MEF2C: variants seen among roughly 807,000 people sequenced by gnomAD.
MEF2C encodes the protein myocyte enhancer factor 2C, also known as myocyte-specific enhancer factor 2C.
In MEF2C, 6 loss-of-function variants were observed where a neutral mutation model predicts 50.5. The ratio of observed to expected loss-of-function variants is 0.12; its 90% confidence interval spans 0.07 to 0.23. The LOEUF (loss-of-function observed/expected upper bound fraction) is 0.23, where lower values mean the gene tolerates loss of function less well. MEF2C is among the 10% of genes least tolerant of loss of function. MEF2C has a pLI of 1.00. For synonymous variants in MEF2C, 183 were observed against 228.0 expected (o/e 0.80, Z 1.78); for missense variants, 276 against 605.0 (o/e 0.46, Z 5.70).
Position 88,718,237 on chromosome 5 carries a change from TG to T in MEF2C, c.*4366del, listed in dbSNP as rs1451362262. The T allele has an allele frequency of 3.3e-5, 5 of 152,254 alleles. No homozygotes were observed. Among genetic ancestry groups the T allele is most frequent in the Non-Finnish European group, 7.3e-5 (5 of 68,046 alleles). 9.4% of individuals were successfully genotyped at this position (152,254 alleles called of 1,614,324 possible). A position where few individuals can be genotyped will look rare whatever the true frequency, so the allele number is the denominator to read the frequency against. Reference sequence around the variant, plus strand: ...ATTTAAAAAAATGCACCACGGACACTGCATCACTAAGAAAGCCAGTAACTTT... The same window carrying T: ...ATTTAAAAAAATGCACCACGGACACTCATCACTAAGAAAGCCAGTAACTTT... On this transcript the variant is annotated 3_prime_UTR_variant, in exon 11 of 11. Coordinates refer to ENST00000504921, the MANE Select transcript of MEF2C (RefSeq NM_002397.5).
chr5:88,756,180 A>C (rs1310251754), intron 4 of MEF2C, among the ~76,000 whole-genome samples: 1 of 152,196 alleles, frequency 6.6e-6, no homozygotes, highest in Admixed American at 6.5e-5. Flanking sequence ...ATTTTATTTT[A>C]GATACATGTG....
chr5:88,885,252 G>A (rs1833953166), upstream of MEF2C, among the ~76,000 whole-genome samples: 1 of 152,158 alleles, frequency 6.6e-6, no homozygotes, highest in South Asian at 2.1e-4. Flanking sequence ...TTTGATGTGA[G>A]TAGCTTCTCT....
intron 3 of MEF2C, among the ~76,000 whole-genome samples, chr5:88,802,143 T>C (rs1378024933): frequency 1.3e-5 from 2 of 152,244 alleles, no homozygotes; most frequent in Non-Finnish European, 2.9e-5. Context: ...TTTAATCTAT[T>C]GATGTTAACA....
chr5:88,796,628 T>G (rs1408930880), intron 3 of MEF2C, among the ~76,000 whole-genome samples: 1 of 152,192 alleles, frequency 6.6e-6, no homozygotes, highest in Non-Finnish European at 1.5e-5. Context: ...TGTCTCTATC[T>G]CCTTCAGTTC....
intron 1 of MEF2C, among the ~76,000 whole-genome samples, chr5:88,857,011 G>C (rs1333527321): frequency 6.6e-6 from 1 of 152,214 alleles, no homozygotes; most frequent in Non-Finnish European, 1.5e-5. Flanking sequence ...ACCTGGAAAA[G>C]CCACAGACAC....
rs80263646 is a variant in MEF2C at position 88,858,920 on chromosome 5, T to C, written c.-143+24035A>G. Among the ~76,000 whole-genome samples the C allele has an allele frequency of 6.8e-3, 1,030 of 152,352 alleles. 14 individuals carry two copies. The highest frequency in any genetic ancestry group is 0.023 in the African/African-American group (951 of 41,578). ...GGAAGGTAGTAGTGAGACGTGTATT[T>C]TGAAGGAGCACTGCAAACCATTCTG... On this transcript the variant is annotated intron_variant, in intron 1 of 10. Coordinates refer to ENST00000504921, the MANE Select transcript of MEF2C (RefSeq NM_002397.5).
chr5:88,784,320 CAAAG>C (rs1437258581), intron 3 of MEF2C, among the ~76,000 whole-genome samples: 1 of 152,072 alleles, frequency 6.6e-6, no homozygotes, highest in Admixed American at 6.6e-5. Context: ...AATTTTATAG[CAAAG>C]AAATTAATAA....
At chr5:88,762,028 G>A (rs1015986363) in intron 3 of MEF2C, 5 of 152,224 alleles carry the variant, frequency 3.3e-5, no homozygotes, top group Non-Finnish European at 7.3e-5. Flanking sequence ...GCTGAGCTGA[G>A]TAAGGAAGAC....
At chr5:88,742,012 T>G (rs1767059171) in intron 6 of MEF2C, 1 of 985,384 alleles carries the variant, frequency 1.0e-6, no homozygotes, top group Non-Finnish European at 1.2e-6. Flanking sequence ...TGGATTGAAA[T>G]TCAACTGAAA....
chr5:88,899,415 A>T (rs933715718), intron 1 of MEF2C, among the ~76,000 whole-genome samples: 5 of 152,186 alleles, frequency 3.3e-5, no homozygotes, highest in Non-Finnish European at 7.4e-5. Flanking sequence ...AATATCTTTC[A>T]TTGGATAACT....
intron 3 of MEF2C, among the ~76,000 whole-genome samples, chr5:88,797,342 G>A (rs1796409242): frequency 6.6e-6 from 1 of 151,466 alleles, no homozygotes; most frequent in East Asian, 1.9e-4. Context: ...AAGATAGTTA[G>A]CTCTTCTTGT....
At chr5:88,777,185 TA>T (rs1244609251) in intron 3 of MEF2C, among the ~76,000 whole-genome samples, 1 of 152,160 alleles carries the variant, frequency 6.6e-6, no homozygotes, top group Non-Finnish European at 1.5e-5. Flanking sequence ...TAGGTAATTA[TA>T]AAAACAACAT....
chr5:88,722,430 T>A lies in MEF2C; in HGVS notation c.*174A>T. The stretch of plus-strand genomic sequence containing the variant: ...AAGCTTATCTCAGCATTTCTGTTTA[T>A]CTTTATACTGTATCACTGAGGCAAT... On this transcript the variant is annotated 3_prime_UTR_variant, in exon 11 of 11. Transcript: ENST00000504921. 1.7e-6 allele frequency: 1 copy of A among 597,986 alleles called. No individual in the cohort carries two copies. The highest frequency in any genetic ancestry group is 2.2e-5 in the South Asian group (1 of 46,046). 37.0% of individuals were successfully genotyped at this position (597,986 alleles called of 1,614,324 possible). A position where few individuals can be genotyped will look rare whatever the true frequency, so the allele number is the denominator to read the frequency against.
intron 1 of MEF2C, among the ~76,000 whole-genome samples, chr5:88,851,856 A>G (rs1702714549): frequency 6.6e-6 from 1 of 152,194 alleles, no homozygotes; most frequent in Admixed American, 6.5e-5. Flanking sequence ...AGATTAAAGT[A>G]TTCTAATTGT....
At chr5:88,787,180 T>G (rs1791347275) in intron 3 of MEF2C, among the ~76,000 whole-genome samples, 1 of 151,772 alleles carries the variant, frequency 6.6e-6, no homozygotes, top group Non-Finnish European at 1.5e-5. Flanking sequence ...ATCTTCTTAA[T>G]TTATGTAAAA....
chr5:88,790,444 A>G (rs917256805), intron 3 of MEF2C, among the ~76,000 whole-genome samples: 7 of 152,082 alleles, frequency 4.6e-5, no homozygotes, highest in African/African-American at 1.7e-4. Flanking sequence ...TTAGCAAGAT[A>G]CTCTGGTGAT....
chr5:88,775,310 T>A (rs1408332997), intron 3 of MEF2C, among the ~76,000 whole-genome samples: 1 of 152,170 alleles, frequency 6.6e-6, no homozygotes, highest in African/African-American at 2.4e-5. Flanking sequence ...GGTATTAATG[T>A]GAAGGATCCT....
At chr5:88,733,982 G>A in intron 6 of MEF2C, 9 of 984,694 alleles carry the variant, frequency 9.1e-6, no homozygotes, top group Non-Finnish European at 1.1e-5. Flanking sequence ...GTATTCCATG[G>A]CAAAAGCTGT....
chr5:88,826,303 G>A (rs1810825529), intron 1 of MEF2C, among the ~76,000 whole-genome samples: 1 of 152,008 alleles, frequency 6.6e-6, no homozygotes, highest in South Asian at 2.1e-4. Flanking sequence ...AAGCAATGTA[G>A]AGAGAAGCAA....
Sources: allele counts gnomAD v4.1 joint callset (sites outside exome capture counted in the v4.1 genomes callset), GRCh38; gene constraint gnomAD v4.1.1; transcripts MANE v1.5; gene names NCBI Gene and HGNC (gene_info 2026-07-23, HGNC 2026-07-21).